DPP10: variants seen among roughly 807,000 people sequenced by gnomAD.
DPP10 encodes dipeptidyl peptidase like 10.
Under a neutral mutation model 120.9 loss-of-function variants are expected in DPP10, and 33 were observed. The observed-to-expected ratio is 0.27, with a 90% CI of 0.21 to 0.37. The LOEUF is 0.37. DPP10 is among the 10% of genes least tolerant of loss of function. The pLI, the probability that DPP10 is intolerant of heterozygous loss-of-function variation, is 1.00. For synonymous variants in DPP10, 337 were observed against 326.1 expected (o/e 1.03, Z -0.36); for missense variants, 816 against 942.8 (o/e 0.87, Z 1.76).
At chr2:114,898,855 T>G (rs1022452959) in intron 1 of DPP10, among the ~76,000 whole-genome samples, 4 of 152,178 alleles carry the variant, frequency 2.6e-5, no homozygotes, top group African/African-American at 7.2e-5. Flanking sequence ...TTTGCACCAA[T>G]TTTCCCAATT....
chr2:115,466,752 A>G (rs1031486796), intron 3 of DPP10, among the ~76,000 whole-genome samples: 12 of 152,118 alleles, frequency 7.9e-5, no homozygotes, highest in African/African-American at 2.4e-4. Flanking sequence ...ATGTAGTTCT[A>G]TATTGGGTTC....
intron 1 of DPP10, among the ~76,000 whole-genome samples, chr2:115,236,766 G>T (rs1172192716): frequency 1.3e-5 from 2 of 151,406 alleles, no homozygotes; most frequent in Non-Finnish European, 2.9e-5. Flanking sequence ...TTTGCAAGAG[G>T]TATTTATGAG....
At chr2:115,726,028 A>G (rs966628234) in intron 7 of DPP10, among the ~76,000 whole-genome samples, 4 of 152,098 alleles carry the variant, frequency 2.6e-5, no homozygotes, top group Admixed American at 2.0e-4. Flanking sequence ...TGATCCACAT[A>G]ATTTTAGTAA....
intron 1 of DPP10, among the ~76,000 whole-genome samples, chr2:114,588,395 G>C (rs571278402): frequency 2.0e-5 from 3 of 152,348 alleles, no homozygotes; most frequent in Admixed American, 1.3e-4. Flanking sequence ...GGCATAAGGA[G>C]AGGCTTAGGG....
rs535409893 is a variant in DPP10, at chr2:115,310,306, A to G, written c.175+953A>G. On this transcript the variant is annotated intron_variant, in intron 2 of 25. Transcript: ENST00000410059. ...TTTATGAGCCCCTTAAACACATTGA[A>G]CTTATTTCCTGATGTACAAAATATG... 3.3e-5 allele frequency among the ~76,000 whole-genome samples: 5 copies of G among 152,256 alleles called. No homozygotes were observed. In the South Asian group the frequency reaches 1.0e-3, roughly 32 times the overall value.
At chr2:114,480,867 A>T (rs564896878) in intron 1 of DPP10, among the ~76,000 whole-genome samples, 134 of 151,564 alleles carry the variant, frequency 8.8e-4, no homozygotes, top group Non-Finnish European at 1.6e-3. Flanking sequence ...TAATAATAAT[A>T]AAAAGTACAC....
intron 1 of DPP10, chr2:115,161,089 T>C (rs990868194): frequency 5.9e-5 from 9 of 152,092 alleles, no homozygotes; most frequent in South Asian, 2.1e-4. Context: ...ACAGTTCTTA[T>C]GGTTTTTAAC....
rs138643211 is a variant in DPP10, at chr2:114,790,024, C to T, written c.60+347186C>T. On this transcript the variant is annotated intron_variant, in intron 1 of 25. Transcript: ENST00000410059. ...TGTTATTATTGTCAGCATCTTTGTC[C>T]TTTGTCAAGTAATTGGACTACTAAA... is the stretch of plus-strand genomic sequence containing the variant. 5.6e-3 allele frequency among the ~76,000 whole-genome samples: 849 copies of T among 152,272 alleles called. 10 individuals carry two copies. The highest frequency in any genetic ancestry group is 0.019 in the African/African-American group (800 of 41,532).
chr2:115,206,508 A>G (rs182640127), intron 1 of DPP10, among the ~76,000 whole-genome samples: 151 of 152,294 alleles, frequency 9.9e-4, no homozygotes, highest in African/African-American at 3.4e-3. Flanking sequence ...AATTTTCCCC[A>G]TATTTGACAA....
intron 1 of DPP10, among the ~76,000 whole-genome samples, chr2:114,479,649 A>G (rs1280715842): frequency 6.6e-6 from 1 of 152,158 alleles, no homozygotes; most frequent in East Asian, 1.9e-4. Flanking sequence ...TGCTGGGAAA[A>G]CTGGCTAGCC....
At chr2:114,879,205 A>G (rs1691406547) in intron 1 of DPP10, among the ~76,000 whole-genome samples, 1 of 145,980 alleles carries the variant, frequency 6.9e-6, no homozygotes, top group African/African-American at 2.5e-5. Context: ...GCATATATTT[A>G]TTAAACACTA....
At chr2:115,267,232 A>G (rs1336120958) in intron 1 of DPP10, among the ~76,000 whole-genome samples, 1 of 152,200 alleles carries the variant, frequency 6.6e-6, no homozygotes, top group South Asian at 2.1e-4. Flanking sequence ...TGCCTCTATC[A>G]GAGACGGATT....
chr2:114,744,960 C>T (rs917580819), intron 1 of DPP10, among the ~76,000 whole-genome samples: 8 of 152,234 alleles, frequency 5.3e-5, no homozygotes, highest in Admixed American at 2.6e-4. Context: ...CGGGGTTTCA[C>T]CATATTGGCC....
In DPP10 at chr2:114,446,700, C is replaced by T. The variant is rs920061339; in HGVS notation, c.60+3862C>T. Reference sequence around the variant, plus strand: ...GAATCTTTAAGATTTTCATTGTCTTCGGAGTACATCTTGAGCTGGCAAACT... The same window carrying T: ...GAATCTTTAAGATTTTCATTGTCTTTGGAGTACATCTTGAGCTGGCAAACT... On this transcript the variant is annotated intron_variant, in intron 1 of 25. Transcript: ENST00000410059. Among the ~76,000 whole-genome samples, 13 of 152,112 alleles carry T rather than the reference C, an allele frequency of 8.5e-5. No individual in the cohort carries two copies. The South Asian group carries it at 2.3e-3, about 27-fold the overall frequency.
chr2:115,225,437 T>G (rs1367723840), intron 1 of DPP10, among the ~76,000 whole-genome samples: 2 of 151,808 alleles, frequency 1.3e-5, no homozygotes, highest in African/African-American at 4.8e-5. Flanking sequence ...AGTGTGTTCT[T>G]TTTTTTTCTT....
chr2:114,740,177 A>G (rs1401169948), intron 1 of DPP10, among the ~76,000 whole-genome samples: 1 of 151,748 alleles, frequency 6.6e-6, no homozygotes, highest in Admixed American at 6.6e-5. Flanking sequence ...CTATGCAGCC[A>G]TAAAAAATGA....
intron 1 of DPP10, among the ~76,000 whole-genome samples, chr2:115,016,733 C>T (rs1333101723): frequency 6.6e-6 from 1 of 151,888 alleles, no homozygotes; most frequent in Non-Finnish European, 1.5e-5. Context: ...ATTTATGCAG[C>T]CAACAGACAC....
At position 114,680,145 on chromosome 2, in the gene DPP10, G is replaced by T. The variant is rs577740958; in HGVS notation, c.60+237307G>T. 2.0e-5 allele frequency among the ~76,000 whole-genome samples: 3 copies of T among 152,074 alleles called. No individual in the cohort carries two copies. The South Asian group carries it at 6.2e-4, about 32-fold the overall frequency. On this transcript the variant is annotated intron_variant, in intron 1 of 25. Transcript: ENST00000410059. ...CTAAATACTGTAACGTCAGTGTCTA[G>T]GCTAAAGATATGATGGAGAGCATCT...
intron 7 of DPP10, among the ~76,000 whole-genome samples, chr2:115,716,574 C>T (rs1411944819): frequency 1.3e-5 from 2 of 152,044 alleles, no homozygotes; most frequent in East Asian, 3.9e-4. Context: ...CATTTAAGTT[C>T]ATAAGAATAC....
Sources: allele counts gnomAD v4.1 joint callset (sites outside exome capture counted in the v4.1 genomes callset), GRCh38; gene constraint gnomAD v4.1.1; transcripts MANE v1.5; gene names NCBI Gene and HGNC (gene_info 2026-07-23, HGNC 2026-07-21).